The following SLC36A3 variants were observed in gnomAD, a reference collection of about 807,000 sequenced individuals.
SLC36A3 encodes proton-coupled amino acid transporter 3.
In SLC36A3, 35 loss-of-function variants were observed where a neutral mutation model predicts 44.3. The observed-to-expected ratio is 0.79, with a 90% CI of 0.60 to 1.05. SLC36A3 has a LOEUF of 1.05. Ranked by LOEUF, SLC36A3 falls within the 50% of genes least tolerant of loss-of-function variation. The pLI is 0.00. For synonymous variants in SLC36A3, 211 were observed against 227.6 expected (o/e 0.93, Z 0.66); for missense variants, 540 against 578.7 (o/e 0.93, Z 0.69).
intron 1 of SLC36A3, 30 bp from the exon 2 acceptor site, chr5:151,298,713 G>A (rs1755046795): frequency 6.2e-7 from 1 of 1,607,036 alleles, no homozygotes; most frequent in Non-Finnish European, 8.5e-7. Flanking sequence ...GAGACAGAGG[G>A]TACTGTTAGT....
intron 2 of SLC36A3, chr5:151,297,047 A>G (rs560255160): frequency 1.6e-4 from 25 of 152,342 alleles, no homozygotes; most frequent in African/African-American, 5.8e-4. Context: ...ACCTATCACA[A>G]AGACATAAAT....
intron 1 of SLC36A3, among the ~76,000 whole-genome samples, chr5:151,299,370 G>C (rs1159887012): frequency 1.1e-5 from 1 of 94,964 alleles, no homozygotes; most frequent in African/African-American, 6.4e-5. Context: ...GATGAGCATG[G>C]TGATATATAT....
Position 151,284,032 on chromosome 5 carries a change from G to A in SLC36A3, c.974+12C>T, listed in dbSNP as rs1754432612. 1.2e-6 allele frequency: 2 copies of A among 1,606,330 alleles called. No homozygotes were observed. The highest frequency in any genetic ancestry group is 1.7e-5 in the Admixed American group (1 of 58,896). On this transcript the variant is annotated intron_variant, in intron 8 of 9. Transcript: ENST00000335230. ...GTCTCTCCCTATCTCACCTGAGGTG[G>A]GCAGGACATACCAGCAATTGGGCAA... is the stretch of plus-strand genomic sequence containing the variant.
At chr5:151,292,475 T>C (rs572502003) in intron 4 of SLC36A3, among the ~76,000 whole-genome samples, 5 of 152,224 alleles carry the variant, frequency 3.3e-5, no homozygotes, top group African/African-American at 1.2e-4. Flanking sequence ...TATGTTATTT[T>C]ATCTTTATAA....
At chr5:151,282,107 C>CTTTTTTTT (rs1221489311) in intron 8 of SLC36A3, among the ~76,000 whole-genome samples, 3 of 75,614 alleles carry the variant, frequency 4.0e-5, no homozygotes, top group African/African-American at 1.2e-4. Flanking sequence ...TTTTCTTTTT[C>CTTTTTTTT]TTTGTTTTTT....
chr5:151,299,394 T>TATATATA (rs58121505), intron 1 of SLC36A3, among the ~76,000 whole-genome samples: 6 of 133,006 alleles, frequency 4.5e-5, no homozygotes, highest in African/African-American at 1.6e-4. Flanking sequence ...TATATATATA[T>TATATATA]TATATATATA....
chr5:151,287,181 A>T (rs1052312358), intron 6 of SLC36A3, 65 bp downstream of exon 6: 2 of 1,542,466 alleles, frequency 1.3e-6, no homozygotes, highest in African/African-American at 1.4e-5. Flanking sequence ...TCATGATAAC[A>T]AACCCTCCTC....
In SLC36A3 at chr5:151,293,403, C is replaced by T. The variant is rs1197552475; in HGVS notation, c.365G>A (p.Cys122Tyr). ...ATGGGCCCTCAGCCAGGTGTTCGGG[C>T]AGGTTTCAAGGCCGTACATCGTGGC... ...GEATMYGLET[C>Y]PNTWLRAHAV... The change falls in exon 4 of 10, where the codon TGC becomes TAC. Residue 122 changes from cysteine to tyrosine, a missense_variant. By Grantham distance (194) the Cys-to-Tyr change is radical (BLOSUM62 -2). Coordinates refer to ENST00000335230, the MANE Select transcript of SLC36A3 (RefSeq NM_181774.4). 1 of 1,613,712 alleles carries T rather than the reference C, an allele frequency of 6.2e-7. No homozygotes were observed. Among genetic ancestry groups the T allele is most frequent in the East Asian group, 2.2e-5 (1 of 44,888 alleles).
intron 6 of SLC36A3, among the ~76,000 whole-genome samples, chr5:151,285,441 T>C (rs1754500451): frequency 6.6e-6 from 1 of 152,214 alleles, no homozygotes; most frequent in Non-Finnish European, 1.5e-5. Context: ...TCAGGTCTCC[T>C]GTTTCCCAGC....
In SLC36A3 at chr5:151,277,118, G is replaced by A. The variant is rs1312604462; in HGVS notation, c.*275C>T. The A allele has an allele frequency of 6.5e-6, 3 of 458,618 alleles. No homozygotes were observed. The highest frequency in any genetic ancestry group is 3.6e-5 in the East Asian group (1 of 27,658). The allele number at this position is 458,618 out of a possible 1,614,324, so 28.4% of individuals were successfully genotyped here. A position where few individuals can be genotyped will look rare whatever the true frequency, so the allele number is the denominator to read the frequency against. On this transcript the variant is annotated 3_prime_UTR_variant, in exon 10 of 10. Coordinates refer to ENST00000335230, the MANE Select transcript of SLC36A3 (RefSeq NM_181774.4). ...GTTTCAAGGGCTATTGGGGTAAGTGGCATCCCTTTTCCATAAAATGAGGCT... is the reference window on the plus strand; with the variant it reads ...GTTTCAAGGGCTATTGGGGTAAGTGACATCCCTTTTCCATAAAATGAGGCT...
chr5:151,283,263 G>T (rs186086376), intron 8 of SLC36A3, among the ~76,000 whole-genome samples: 2 of 152,104 alleles, frequency 1.3e-5, no homozygotes, highest in East Asian at 3.9e-4. Flanking sequence ...TACCTGTTCT[G>T]CCCTTTGCCC....
Position 151,296,163 on chromosome 5 carries a change from A to G in SLC36A3, c.308+17T>C, listed in dbSNP as rs1754951418. 1 of 1,613,654 alleles carries G rather than the reference A, an allele frequency of 6.2e-7. No individual in the cohort carries two copies. Among genetic ancestry groups the G allele is most frequent in the Non-Finnish European group, 8.5e-7 (1 of 1,179,724 alleles). On this transcript the variant is annotated intron_variant, in intron 3 of 9. Coordinates refer to ENST00000335230, the MANE Select transcript of SLC36A3 (RefSeq NM_181774.4). Reference sequence around the variant, plus strand: ...AGGGGCCCCAGTGCTGGAATGAGAGAGAAGCAGGCCTCTGACCTCTGGCTG... The same window carrying G: ...AGGGGCCCCAGTGCTGGAATGAGAGGGAAGCAGGCCTCTGACCTCTGGCTG...
chr5:151,296,315 C>A, intron 2 of SLC36A3, 47 bp from the exon 3 acceptor site: 1 of 1,505,846 alleles, frequency 6.6e-7, no homozygotes, highest in Non-Finnish European at 9.2e-7. Context: ...AATGATCACT[C>A]CCATTCCCTG....
intron 1 of SLC36A3, among the ~76,000 whole-genome samples, chr5:151,301,729 TAAA>T (rs5872199): frequency 7.3e-5 from 10 of 136,982 alleles, no homozygotes; most frequent in African/African-American, 8.0e-5. Context: ...AGACTCCGTC[TAAA>T]AAAAAAAAAA....
At chr5:151,284,960 T>C (rs1298907556) in intron 6 of SLC36A3, among the ~76,000 whole-genome samples, 1 of 152,214 alleles carries the variant, frequency 6.6e-6, no homozygotes. Flanking sequence ...AACATTCACG[T>C]TGTTGTGTAT....
rs1284633409 is a variant in SLC36A3 at position 151,284,101 on chromosome 5, T to C, written c.917A>G (p.Tyr306Cys). ...CTGGGTGTCTGACCCAAACTTCATG[T>C]AGCCCAGTGTCCCCAGTAAGATATA... ...ILYILLGTLG[Y>C]MKFGSDTQAS... Residue 306 changes from tyrosine to cysteine, a missense_variant, in exon 8 of 10, where the codon TAC becomes TGC. Coordinates refer to ENST00000335230, the MANE Select transcript of SLC36A3 (RefSeq NM_181774.4). The C allele has an allele frequency of 3.7e-6, 6 of 1,614,028 alleles. No individual in the cohort carries two copies. The highest frequency in any genetic ancestry group is 5.1e-6 in the Non-Finnish European group (6 of 1,180,024).
intron 8 of SLC36A3, 50 bp from the exon 9 acceptor site, chr5:151,281,233 G>A (rs1368394): frequency 0.41 from 633,165 of 1,553,262 alleles, 135,486 homozygotes; most frequent in African/African-American, 0.68. Flanking sequence ...CCCCGGAAGG[G>A]CCATTGAGGA....
intron 6 of SLC36A3, among the ~76,000 whole-genome samples, chr5:151,285,294 A>G (rs1016997840): frequency 3.5e-4 from 53 of 152,236 alleles, no homozygotes; most frequent in African/African-American, 1.2e-3. Context: ...TTCATCACTT[A>G]CTTGGACTCT....
intron 9 of SLC36A3, among the ~76,000 whole-genome samples, chr5:151,278,733 C>T (rs1754196735): frequency 6.6e-6 from 1 of 152,238 alleles, no homozygotes; most frequent in Admixed American, 6.5e-5. Flanking sequence ...CTCATAGACT[C>T]TCATGGCTAG....
Sources: gnomAD v4.1 joint callset for allele counts (sites outside exome capture counted in the v4.1 genomes callset) on GRCh38, gnomAD v4.1.1 for gene constraint, MANE v1.5 for transcripts, NCBI Gene and HGNC (gene_info 2026-07-23, HGNC 2026-07-21) for gene names.